ROBO2: variants seen among roughly 807,000 people sequenced by gnomAD.
ROBO2 encodes roundabout homolog 2.
A neutral mutation model predicts 160.8 loss-of-function variants in ROBO2; 53 were observed. The observed-to-expected ratio is 0.33, with a 90% CI of 0.26 to 0.41. The LOEUF is 0.41. ROBO2 is among the 10% of genes least tolerant of loss of function. The pLI, the probability that ROBO2 is intolerant of heterozygous loss-of-function variation, is 1.00. For missense variants in ROBO2, 1,577 were observed against 1,722.4 expected, an observed-to-expected ratio of 0.92 and a Z score of 1.49; for synonymous variants, 664 against 611.7, an observed-to-expected ratio of 1.09 and a Z score of -1.26.
chr3:76,995,604 C>T (rs1351856084), intron 2 of ROBO2, among the ~76,000 whole-genome samples: 11 of 152,156 alleles, frequency 7.2e-5, no homozygotes, highest in Admixed American at 5.9e-4. Context: ...ACATCCTCTC[C>T]AGCACCTGTT....
In ROBO2 at chr3:75,993,793, G is replaced by A. The variant is rs184436176; in HGVS notation, c.109+56191G>A. ...TGAGAAGAAATGACTGGTGGTCATG[G>A]TATCCAAAAACATACAGGCTTCCAG... is the stretch of plus-strand genomic sequence containing the variant. On this transcript the variant is annotated intron_variant, in intron 2 of 26. Transcript: ENST00000487694. Among the ~76,000 whole-genome samples, 97 of 152,172 alleles carry A rather than the reference G, an allele frequency of 6.4e-4. No homozygotes were observed. In the South Asian group the frequency reaches 0.011, roughly 17 times the overall value.
At chr3:76,162,829 A>C (rs568835526) in intron 2 of ROBO2, among the ~76,000 whole-genome samples, 2 of 151,998 alleles carry the variant, frequency 1.3e-5, no homozygotes, top group African/African-American at 4.8e-5. Context: ...CTACTCCTTC[A>C]TATTATTATA....
intron 2 of ROBO2, among the ~76,000 whole-genome samples, chr3:76,178,773 C>G (rs935753021): frequency 5.3e-5 from 8 of 152,008 alleles, no homozygotes; most frequent in Non-Finnish European, 1.0e-4. Context: ...AAAACCCTGT[C>G]TCTACTAAAA....
intron 2 of ROBO2, among the ~76,000 whole-genome samples, chr3:76,299,463 T>TA (rs1553699244): frequency 2.0e-5 from 3 of 151,746 alleles, no homozygotes; most frequent in Non-Finnish European, 4.4e-5. Flanking sequence ...ACAGAGAAAA[T>TA]AAAGGGGAGA....
chr3:77,254,986 G>A (rs75608543), intron 2 of ROBO2, among the ~76,000 whole-genome samples: 1,881 of 152,318 alleles, frequency 0.012, 79 homozygotes, highest in South Asian at 0.092. Flanking sequence ...AGAGGGAAAC[G>A]TATTCCGAAA....
At chr3:76,810,503 G>A (rs961519366) in intron 2 of ROBO2, among the ~76,000 whole-genome samples, 2 of 152,054 alleles carry the variant, frequency 1.3e-5, no homozygotes, top group Admixed American at 6.6e-5. Flanking sequence ...GGTGTCATTT[G>A]GGTAGAAATA....
At chr3:77,463,416 G>A (rs962871406) in intron 2 of ROBO2, among the ~76,000 whole-genome samples, 4 of 151,936 alleles carry the variant, frequency 2.6e-5, no homozygotes, top group African/African-American at 9.7e-5. Flanking sequence ...ACCTCTAAAT[G>A]TGTTTGTTTT....
At chr3:76,114,499 A>G (rs1185217418) in intron 2 of ROBO2, among the ~76,000 whole-genome samples, 2 of 152,144 alleles carry the variant, frequency 1.3e-5, no homozygotes, top group Non-Finnish European at 2.9e-5. Flanking sequence ...TGTCAATATT[A>G]TTTATATGCA....
At chr3:76,373,579 G>A (rs745549120) in intron 2 of ROBO2, among the ~76,000 whole-genome samples, 1 of 151,940 alleles carries the variant, frequency 6.6e-6, no homozygotes, top group African/African-American at 2.4e-5. Flanking sequence ...AAAAGGTGGT[G>A]ATGACTTTGA....
chr3:77,345,776 TATA>T (rs921052069), intron 2 of ROBO2, among the ~76,000 whole-genome samples: 3 of 152,176 alleles, frequency 2.0e-5, no homozygotes, highest in Admixed American at 6.6e-5. Flanking sequence ...CTTTGTCCAG[TATA>T]ATGAGTGGTG....
At chr3:77,095,954 C>T (rs1367653620) in intron 1 of ROBO2, among the ~76,000 whole-genome samples, 2 of 151,504 alleles carry the variant, frequency 1.3e-5, no homozygotes, top group Non-Finnish European at 2.9e-5. Context: ...CAGTAAATTA[C>T]TCTTTTGCTT....
intron 2 of ROBO2, among the ~76,000 whole-genome samples, chr3:76,509,682 TGAGTGC>T (rs1234853398): frequency 2.6e-5 from 4 of 152,270 alleles, no homozygotes; most frequent in African/African-American, 9.6e-5. Context: ...CACGAAGCTG[TGAGTGC>T]CTCCTCACAA....
At chr3:76,162,449 G>T (rs1031685261) in intron 2 of ROBO2, among the ~76,000 whole-genome samples, 1 of 152,038 alleles carries the variant, frequency 6.6e-6, no homozygotes, top group African/African-American at 2.4e-5. Flanking sequence ...TGGAACTACA[G>T]ATGTACTCCA....
At chr3:75,925,955 T>A (rs1228060348) in intron 1 of ROBO2, among the ~76,000 whole-genome samples, 1 of 152,188 alleles carries the variant, frequency 6.6e-6, no homozygotes, top group Non-Finnish European at 1.5e-5. Flanking sequence ...TTTGTCATAT[T>A]TTCTTAAAAG....
At chr3:76,351,136 G>C (rs1381723903) in intron 2 of ROBO2, among the ~76,000 whole-genome samples, 1 of 151,802 alleles carries the variant, frequency 6.6e-6, no homozygotes, top group Non-Finnish European at 1.5e-5. Flanking sequence ...TATGTAGTAT[G>C]ATCTCTCTTT....
intron 2 of ROBO2, among the ~76,000 whole-genome samples, chr3:77,267,379 G>A (rs1015931260): frequency 6.6e-6 from 1 of 152,154 alleles, no homozygotes; most frequent in African/African-American, 2.4e-5. Context: ...GGGAAACTCG[G>A]CAGAAAGAAA....
chr3:77,058,338 A>G (rs2065961775), intron 1 of ROBO2, among the ~76,000 whole-genome samples: 1 of 152,186 alleles, frequency 6.6e-6, no homozygotes, highest in South Asian at 2.1e-4. Flanking sequence ...AATATTCACA[A>G]TAGCCTGCTA....
chr3:77,540,485 G>C (rs2092408653), intron 6 of ROBO2, among the ~76,000 whole-genome samples: 1 of 151,886 alleles, frequency 6.6e-6, no homozygotes. Flanking sequence ...TGTATTTCTT[G>C]CATGTTGTCA....
intron 5 of ROBO2, among the ~76,000 whole-genome samples, chr3:77,493,655 C>T (rs896946405): frequency 6.6e-6 from 1 of 152,110 alleles, no homozygotes; most frequent in African/African-American, 2.4e-5. Context: ...GCCTTCTTTC[C>T]CCTGGACCCT....
Sources: allele counts gnomAD v4.1 joint callset (sites outside exome capture counted in the v4.1 genomes callset), GRCh38; gene constraint gnomAD v4.1.1; transcripts MANE v1.5; gene names NCBI Gene and HGNC (gene_info 2026-07-23, HGNC 2026-07-21).